The following RNGTT variants were observed in gnomAD, a reference collection of about 807,000 sequenced individuals.
The protein encoded by RNGTT is mRNA-capping enzyme.
Under a neutral mutation model 79.3 loss-of-function variants are expected in RNGTT, and 33 were observed. The ratio of observed to expected loss-of-function variants is 0.42; its 90% CI spans 0.32 to 0.56. The LOEUF (loss-of-function observed/expected upper bound fraction) is 0.56. RNGTT is among the 20% of genes least tolerant of loss of function. The pLI is 0.17. For missense variants in RNGTT, 497 were observed against 739.1 expected, an observed-to-expected ratio of 0.67 and a Z score of 3.80; for synonymous variants, 222 against 235.9, an observed-to-expected ratio of 0.94 and a Z score of 0.54.
chr6:88,714,637 T>C (rs1776441643), intron 13 of RNGTT, among the ~76,000 whole-genome samples: 1 of 98,120 alleles, frequency 1.0e-5, no homozygotes, highest in Non-Finnish European at 1.8e-5. Flanking sequence ...AGAGACGGGG[T>C]TTCACCGTTT....
At chr6:88,739,867 C>A (rs1044542497) in intron 13 of RNGTT, among the ~76,000 whole-genome samples, 1 of 148,692 alleles carries the variant, frequency 6.7e-6, no homozygotes, top group Non-Finnish European at 1.5e-5. Flanking sequence ...TATGAAGCTC[C>A]CATGAGGATT....
chr6:88,631,042 C>T (rs1056823908), intron 14 of RNGTT, among the ~76,000 whole-genome samples: 2 of 152,156 alleles, frequency 1.3e-5, no homozygotes, highest in African/African-American at 4.8e-5. Context: ...TGCTCAATTT[C>T]CAGGCCACAA....
chr6:88,738,179 T>C (rs997013207), intron 13 of RNGTT, among the ~76,000 whole-genome samples: 2 of 150,354 alleles, frequency 1.3e-5, no homozygotes, highest in South Asian at 2.1e-4. Flanking sequence ...CCTAAACCCA[T>C]ACCCCAAGTC....
chr6:88,642,393 T>C (rs1296682544), intron 14 of RNGTT, among the ~76,000 whole-genome samples: 1 of 152,088 alleles, frequency 6.6e-6, no homozygotes, highest in Non-Finnish European at 1.5e-5. Context: ...TTCTAACATA[T>C]CAAAGGGAAA....
intron 14 of RNGTT, among the ~76,000 whole-genome samples, chr6:88,641,912 T>C (rs1364545068): frequency 1.3e-5 from 2 of 152,192 alleles, no homozygotes; most frequent in African/African-American, 4.8e-5. Flanking sequence ...GAAGTATATG[T>C]ATTTAAAAGA....
intron 11 of RNGTT, among the ~76,000 whole-genome samples, chr6:88,815,192 T>G (rs1315670931): frequency 6.6e-6 from 1 of 152,162 alleles, no homozygotes; most frequent in East Asian, 1.9e-4. Flanking sequence ...GTGAACAAAA[T>G]CCAGTATAAA....
chr6:88,769,249 C>T (rs1226394256), intron 13 of RNGTT, among the ~76,000 whole-genome samples: 2 of 152,076 alleles, frequency 1.3e-5, no homozygotes, highest in Non-Finnish European at 2.9e-5. Context: ...CTACCTCTGC[C>T]TCCCAGGCTC....
At chr6:88,954,740 C>T (rs532113203) in intron 1 of RNGTT, among the ~76,000 whole-genome samples, 1 of 151,818 alleles carries the variant, frequency 6.6e-6, no homozygotes, top group South Asian at 2.1e-4. Context: ...AAAAGGAACC[C>T]TCAAAGCTAT....
intron 10 of RNGTT, among the ~76,000 whole-genome samples, chr6:88,847,026 A>C (rs1329003422): frequency 6.6e-6 from 1 of 152,152 alleles, no homozygotes; most frequent in Non-Finnish European, 1.5e-5. Flanking sequence ...TTAATTTTAT[A>C]TCCAATCTAA....
At position 88,695,197 on chromosome 6, in the gene RNGTT, A is replaced by G. The variant is rs1316212905; in HGVS notation, c.1440-16778T>C. On this transcript the variant is annotated intron_variant, in intron 13 of 15. Coordinates refer to ENST00000369485, the MANE Select transcript of RNGTT (RefSeq NM_003800.5). ...ACATCAAACTAAAAACCTTCTGCAC[A>G]GCAAAAAAACAACAAAGTGAAGAGA... is the stretch of plus-strand genomic sequence containing the variant. Among the ~76,000 whole-genome samples, 4 of 152,216 alleles carry G rather than the reference A, an allele frequency of 2.6e-5. No individual in the cohort carries two copies. The East Asian group carries it at 7.7e-4, about 29-fold the overall frequency.
Position 88,612,644 on chromosome 6 carries a change from T to C in RNGTT, c.*75A>G, listed in dbSNP as rs1320090434. The C allele has an allele frequency of 1.0e-5, 14 of 1,388,850 alleles. No individual in the cohort carries two copies. The highest frequency in any genetic ancestry group is 1.4e-5 in the Non-Finnish European group (14 of 1,016,768). The allele number at this position is 1,388,850 out of a possible 1,614,324, so 86.0% of individuals were successfully genotyped here. On this transcript the variant is annotated 3_prime_UTR_variant, in exon 16 of 16. Coordinates refer to ENST00000369485, the MANE Select transcript of RNGTT (RefSeq NM_003800.5). ...CAAGCCACAGTCGTTTTTCAATTTC[T>C]CTGGCTACAAAAATGGGCAACAGCG...
chr6:88,765,919 AAC>A (rs1378813623), intron 13 of RNGTT, among the ~76,000 whole-genome samples: 2 of 152,226 alleles, frequency 1.3e-5, no homozygotes, highest in Non-Finnish European at 2.9e-5. Context: ...AGAGAAAATT[AAC>A]AGAGATTGGA....
rs1263796594 is a variant in RNGTT at position 88,612,667 on chromosome 6, G to A, written c.*52C>T. The A allele has an allele frequency of 2.7e-6, 4 of 1,480,172 alleles. No homozygotes were observed. The highest frequency in any genetic ancestry group is 1.4e-5 in the African/African-American group (1 of 70,616). The allele number at this position is 1,480,172 out of a possible 1,614,324, so 91.7% of individuals were successfully genotyped here. ...TCTCTGGCTACAAAAATGGGCAACA[G>A]CGTTTTTTCCTCATTCCTCTTTCTT... On this transcript the variant is annotated 3_prime_UTR_variant, in exon 16 of 16. Transcript: ENST00000369485.
chr6:88,645,477 T>C (rs1297017880), intron 14 of RNGTT, among the ~76,000 whole-genome samples: 5 of 152,212 alleles, frequency 3.3e-5, no homozygotes, highest in Admixed American at 2.0e-4. Flanking sequence ...TACCAATGAC[T>C]TTCTTCACAG....
chr6:88,805,951 A>G (rs1040219986), intron 11 of RNGTT, among the ~76,000 whole-genome samples: 16 of 152,212 alleles, frequency 1.1e-4, no homozygotes, highest in African/African-American at 3.9e-4. Flanking sequence ...AATTCTTTGG[A>G]GCACTGAAGA....
chr6:88,894,339 T>C (rs189634909), intron 6 of RNGTT, among the ~76,000 whole-genome samples: 4 of 152,304 alleles, frequency 2.6e-5, no homozygotes, highest in Non-Finnish European at 5.9e-5. Context: ...ATGCTTTTCA[T>C]ATTTATTTTA....
chr6:88,625,992 T>C (rs1455977476), intron 14 of RNGTT, among the ~76,000 whole-genome samples: 1 of 151,996 alleles, frequency 6.6e-6, no homozygotes, highest in Non-Finnish European at 1.5e-5. Flanking sequence ...ACTAACTAGA[T>C]GTAGAGTACT....
chr6:88,780,530 A>G lies in RNGTT; in HGVS notation c.1339-10656T>C, dbSNP rs186217294. ...TAGTCAGAGTAATATAATTCAATTT[A>G]CCAGCATGTATCTAGGTTAAAATAA... On this transcript the variant is annotated intron_variant, in intron 12 of 15. Coordinates refer to ENST00000369485, the MANE Select transcript of RNGTT (RefSeq NM_003800.5). 2.5e-4 allele frequency among the ~76,000 whole-genome samples: 38 copies of G among 152,348 alleles called. 1 individual carries two copies. The highest frequency in any genetic ancestry group is 9.1e-4 in the African/African-American group (38 of 41,584).
chr6:88,757,183 T>C (rs1399631472), intron 13 of RNGTT, among the ~76,000 whole-genome samples: 1 of 152,182 alleles, frequency 6.6e-6, no homozygotes, highest in East Asian at 1.9e-4. Flanking sequence ...GATCTCAGCA[T>C]GATAGTTTTG....
Sources: allele counts gnomAD v4.1 joint callset (sites outside exome capture counted in the v4.1 genomes callset), GRCh38; gene constraint gnomAD v4.1.1; transcripts MANE v1.5; gene names NCBI Gene and HGNC (gene_info 2026-07-23, HGNC 2026-07-21).